The following PDZD2 variants were observed in gnomAD, a reference collection of about 807,000 sequenced individuals.
PDZD2 encodes PDZ domain containing 2, also known as PDZ domain-containing protein 2.
Under a neutral mutation model 220.7 loss-of-function variants are expected in PDZD2, and 90 were observed. The observed-to-expected ratio is 0.41, with a 90% confidence interval of 0.34 to 0.49. PDZD2 has a LOEUF of 0.49. PDZD2 is among the 20% of genes least tolerant of loss of function. PDZD2 has a pLI of 0.28. For missense variants in PDZD2, 3,174 were observed against 3,608.5 expected (o/e 0.88, Z 3.08); for synonymous variants, 1,375 against 1,450.5 (o/e 0.95, Z 1.18).
At chr5:31,874,542 C>T (rs1277227775) in intron 2 of PDZD2, among the ~76,000 whole-genome samples, 5 of 152,066 alleles carry the variant, frequency 3.3e-5, no homozygotes, top group Admixed American at 2.6e-4. Context: ...AGGTGGATCA[C>T]CTGAGGTTGG....
intron 1 of PDZD2, among the ~76,000 whole-genome samples, chr5:31,669,567 G>A (rs1312096382): frequency 1.3e-5 from 2 of 152,122 alleles, no homozygotes; most frequent in Non-Finnish European, 1.5e-5. Flanking sequence ...AGCCTGCAAG[G>A]GGCCTTAACA....
At chr5:31,916,233 T>C (rs1743664816) in intron 2 of PDZD2, among the ~76,000 whole-genome samples, 1 of 152,256 alleles carries the variant, frequency 6.6e-6, no homozygotes, top group Non-Finnish European at 1.5e-5. Context: ...TCTGTGTTGG[T>C]GGCTTTGGTT....
chr5:31,746,924 T>G (rs1750637831), intron 1 of PDZD2, among the ~76,000 whole-genome samples: 1 of 152,174 alleles, frequency 6.6e-6, no homozygotes, highest in African/African-American at 2.4e-5. Context: ...GCCTGTAATC[T>G]CAGCACTTTG....
chr5:31,722,939 C>T (rs752630487), intron 1 of PDZD2, among the ~76,000 whole-genome samples: 1 of 152,176 alleles, frequency 6.6e-6, no homozygotes, highest in Non-Finnish European at 1.5e-5. Context: ...CCACCCTCCT[C>T]AACCTCCCAA....
intron 2 of PDZD2, among the ~76,000 whole-genome samples, chr5:31,851,080 TCTAGA>T (rs774480276): frequency 1.1e-4 from 17 of 152,290 alleles, no homozygotes; most frequent in Non-Finnish European, 2.4e-4. Flanking sequence ...TTTTTTTCAC[TCTAGA>T]CTAAACAACT....
In PDZD2 at chr5:31,644,478, T is replaced by G. The variant is rs114126592; in HGVS notation, c.-361+5041T>G. ...CTGGGAGCATTTACAATTTGAAAAC[T>G]TAATAGTTGAAGAGGCCTTTTGTGG... On this transcript the variant is annotated intron_variant, in intron 1 of 24. Coordinates refer to ENST00000438447, the MANE Select transcript of PDZD2 (RefSeq NM_178140.4). 2.6e-3 allele frequency among the ~76,000 whole-genome samples: 395 copies of G among 152,316 alleles called. 2 individuals are homozygous for G. The highest frequency in any genetic ancestry group is 8.9e-3 in the African/African-American group (370 of 41,570).
At chr5:31,723,279 A>G (rs529314402) in intron 1 of PDZD2, among the ~76,000 whole-genome samples, 1 of 152,188 alleles carries the variant, frequency 6.6e-6, no homozygotes, top group African/African-American at 2.4e-5. Flanking sequence ...TTTCTCCATG[A>G]TAATTCTTAC....
Position 31,646,987 on chromosome 5 carries a change from T to C in PDZD2, c.-361+7550T>C, listed in dbSNP as rs1745158067. 6.6e-6 allele frequency among the ~76,000 whole-genome samples: 1 copy of C among 152,168 alleles called. No individual in the cohort carries two copies. The highest frequency in any genetic ancestry group is 1.5e-5 in the Non-Finnish European group (1 of 68,046). On this transcript the variant is annotated intron_variant, in intron 1 of 24. Transcript: ENST00000438447. This position sits in a 1 kb window ranked among gnomAD's most constrained non-coding sequence, Gnocchi z 4.7. ...ATTAACTCCTCTCTGGACTTACTGC[T>C]CATCTTTAAAAACCTAAGCAGATGT...
intron 1 of PDZD2, among the ~76,000 whole-genome samples, chr5:31,695,238 C>G (rs10472195): frequency 0.19 from 29,238 of 152,120 alleles, 2,800 homozygotes; most frequent in East Asian, 0.29. Context: ...TTCAGAGAAA[C>G]ATTTTGGTCT....
At chr5:31,966,733 T>C (rs1020519904) in intron 2 of PDZD2, among the ~76,000 whole-genome samples, 2 of 152,184 alleles carry the variant, frequency 1.3e-5, no homozygotes, top group African/African-American at 4.8e-5. Context: ...TGAAGACAGA[T>C]GAACAACAGG....
intron 1 of PDZD2, among the ~76,000 whole-genome samples, chr5:31,687,645 T>TTAAATA (rs940667573): frequency 1.3e-5 from 2 of 152,182 alleles, no homozygotes; most frequent in Non-Finnish European, 2.9e-5. Flanking sequence ...TACCATAGAC[T>TTAAATA]GAGTGTCTTA....
In PDZD2 at chr5:31,854,228, C is replaced by T. The variant is rs927564126; in HGVS notation, c.476+54504C>T. On this transcript the variant is annotated intron_variant, in intron 2 of 24. Transcript: ENST00000438447. ...CTCAGTGGGTGTGATGTAAACAATT[C>T]GGCCTCGTGGGTCGGGCTTCCTCAT... Among the ~76,000 whole-genome samples, 4 of 152,214 alleles carry T rather than the reference C, an allele frequency of 2.6e-5. No individual in the cohort carries two copies. The South Asian group carries it at 8.3e-4, about 32-fold the overall frequency.
At chr5:32,102,611 T>A (rs1041637520) in intron 24 of PDZD2, among the ~76,000 whole-genome samples, 2 of 151,930 alleles carry the variant, frequency 1.3e-5, no homozygotes, top group Non-Finnish European at 2.9e-5. Flanking sequence ...CAGGCAAGCA[T>A]GTGGCAACTC....
intron 4 of PDZD2, among the ~76,000 whole-genome samples, chr5:31,996,032 T>C (rs2090848026): frequency 1.3e-5 from 2 of 152,218 alleles, no homozygotes; most frequent in South Asian, 4.1e-4. Context: ...ATGAGGCTAC[T>C]TATTGAGAAT....
chr5:31,910,217 A>ATT (rs70957978), intron 2 of PDZD2, among the ~76,000 whole-genome samples: 44,766 of 106,166 alleles, frequency 0.42, 11,218 homozygotes, highest in Non-Finnish European at 0.53. Flanking sequence ...GAGTTCCTGC[A>ATT]TTTTTTTTTT....
chr5:31,774,633 T>C (rs1188200896), intron 1 of PDZD2, among the ~76,000 whole-genome samples: 1 of 151,578 alleles, frequency 6.6e-6, no homozygotes, highest in Non-Finnish European at 1.5e-5. Context: ...GGAGAATCGC[T>C]TGAACCTGGG....
At position 32,058,050 on chromosome 5, in the gene PDZD2, G is replaced by A. The variant is rs764974677; in HGVS notation, c.2147G>A (p.Arg716Gln). Residue 716 changes from arginine (R) to glutamine (Q), a missense_variant, in exon 12 of 25, where the codon CGG becomes CAG. This residue lies in a region of PDZD2 where 1,861 missense variants were observed against 2,001.0 expected (regional missense o/e 0.93). Coordinates refer to ENST00000438447, the MANE Select transcript of PDZD2 (RefSeq NM_178140.4). ...SDEGSSSSLG[R>Q]KTPGPKDRIV... ...GAAGGCAGTTCTTCATCCCTGGGTC[G>A]GAAGACCCCTGGGCCCAAGGACAGG... is the stretch of plus-strand genomic sequence containing the variant. 21 of 1,611,414 alleles carry A rather than the reference G, an allele frequency of 1.3e-5. No homozygotes were observed. Among genetic ancestry groups the A allele is most frequent in the Non-Finnish European group, 1.7e-5 (20 of 1,177,738 alleles).
At chr5:31,699,774 TTTG>T (rs1252353770) in intron 1 of PDZD2, among the ~76,000 whole-genome samples, 5 of 139,596 alleles carry the variant, frequency 3.6e-5, no homozygotes, top group Non-Finnish European at 7.8e-5. Flanking sequence ...GCTGTTTTTT[TTTG>T]TTTGTTTTTT....
At chr5:32,073,209 A>G (rs182525001) in intron 17 of PDZD2, among the ~76,000 whole-genome samples, 38 of 152,350 alleles carry the variant, frequency 2.5e-4, no homozygotes, top group African/African-American at 7.7e-4. Context: ...GGAGCTATCA[A>G]TGAGTTTGCT....
Sources: allele counts gnomAD v4.1 joint callset (sites outside exome capture counted in the v4.1 genomes callset), GRCh38; gene constraint gnomAD v4.1.1; regional missense constraint gnomAD v4.1.1; non-coding constraint Gnocchi (gnomAD v3.1); transcripts MANE v1.5; gene names NCBI Gene and HGNC (gene_info 2026-07-23, HGNC 2026-07-21).